Variants in NFKB1 observed in about 807,000 individuals in gnomAD.
NFKB1 encodes nuclear factor kappa B subunit 1.
In NFKB1, 9 loss-of-function variants were observed where a neutral mutation model predicts 105.1. The observed-to-expected ratio is 0.09, with a 90% CI of 0.05 to 0.15. The LOEUF (loss-of-function observed/expected upper bound fraction) is 0.15, where lower values mean the gene tolerates loss of function less well. Ranked by LOEUF, NFKB1 falls within the 10% of genes least tolerant of loss-of-function variation. The pLI is 1.00. For synonymous variants in NFKB1, 440 were observed against 442.2 expected (o/e 1.00, Z 0.06); for missense variants, 830 against 1,203.7 (o/e 0.69, Z 4.59).
At chr4:102,515,156 G>C (rs1378098847) in intron 1 of NFKB1, among the ~76,000 whole-genome samples, 3 of 127,248 alleles carry the variant, frequency 2.4e-5, no homozygotes, top group Non-Finnish European at 4.8e-5. Flanking sequence ...TGTCGCCCAG[G>C]CTGGAGTGCA....
chr4:102,515,361 C>T (rs1176799700), intron 1 of NFKB1, among the ~76,000 whole-genome samples: 1 of 151,784 alleles, frequency 6.6e-6, no homozygotes, highest in Admixed American at 6.6e-5. Context: ...CCGCCCGCCT[C>T]GGCCTCCCAA....
intron 1 of NFKB1, among the ~76,000 whole-genome samples, chr4:102,513,840 T>C (rs1739935890): frequency 6.6e-6 from 1 of 152,152 alleles, no homozygotes; most frequent in African/African-American, 2.4e-5. Context: ...GCTCGGGACG[T>C]GGTCTATCTT....
intron 6 of NFKB1, among the ~76,000 whole-genome samples, chr4:102,569,772 A>C (rs1724172899): frequency 6.6e-6 from 1 of 152,108 alleles, no homozygotes; most frequent in Non-Finnish European, 1.5e-5. Context: ...TTCTACTTTC[A>C]AAAGGATTTT....
chr4:102,591,808 T>C (rs1001643477), intron 11 of NFKB1, among the ~76,000 whole-genome samples: 5 of 152,240 alleles, frequency 3.3e-5, no homozygotes, highest in Non-Finnish European at 7.3e-5. Flanking sequence ...TTCAGTCTTA[T>C]TGTTTAAGAA....
intron 1 of NFKB1, among the ~76,000 whole-genome samples, chr4:102,520,086 C>T (rs1740466744): frequency 6.6e-6 from 1 of 152,160 alleles, no homozygotes; most frequent in South Asian, 2.1e-4. Flanking sequence ...CCTCTATACA[C>T]TAGATGCCAG....
intron 11 of NFKB1, among the ~76,000 whole-genome samples, chr4:102,591,865 T>C (rs546047351): frequency 2.1e-4 from 32 of 152,378 alleles, no homozygotes; most frequent in Admixed American, 9.1e-4. Flanking sequence ...ATTACTCTGA[T>C]GAATCTGGGC....
At chr4:102,605,784 C>T (rs1239282370) in intron 16 of NFKB1, among the ~76,000 whole-genome samples, 1 of 152,094 alleles carries the variant, frequency 6.6e-6, no homozygotes, top group African/African-American at 2.4e-5. Context: ...CTTATAATAC[C>T]TTTTATGAAA....
chr4:102,595,312 A>G (rs1247207417), intron 13 of NFKB1, among the ~76,000 whole-genome samples: 4 of 152,180 alleles, frequency 2.6e-5, no homozygotes, highest in African/African-American at 9.6e-5. Context: ...TTTCTCAAAT[A>G]GTACACTTCT....
At chr4:102,591,825 T>C (rs1034866617) in intron 11 of NFKB1, among the ~76,000 whole-genome samples, 1 of 152,222 alleles carries the variant, frequency 6.6e-6, no homozygotes, top group African/African-American at 2.4e-5. Flanking sequence ...AGAAATACAT[T>C]CTGTAAGGCT....
At position 102,614,598 on chromosome 4, in the gene NFKB1, C is replaced by T. The variant is rs1728761890; in HGVS notation, c.2749+1017C>T. 2.6e-5 allele frequency among the ~76,000 whole-genome samples: 4 copies of T among 152,254 alleles called. No individual in the cohort carries two copies. In the South Asian group the frequency reaches 8.3e-4, roughly 32 times the overall value. ...GCTTGGCCTCCTGCAGTTGGGATCG[C>T]ATCCCCACCGCTCCACCAGGCCTGC... On this transcript the variant is annotated intron_variant, in intron 23 of 23. Transcript: ENST00000226574.
intron 19 of NFKB1, among the ~76,000 whole-genome samples, chr4:102,608,503 T>C (rs988010631): frequency 6.6e-6 from 1 of 152,232 alleles, no homozygotes; most frequent in Non-Finnish European, 1.5e-5. Context: ...GGTTTGCAGA[T>C]GTTATTCCAT....
At position 102,610,659 on chromosome 4, in the gene NFKB1, T is replaced by C. The variant is rs1728316982; in HGVS notation, c.2312T>C (p.Val771Ala). Reference sequence around the variant, plus strand: ...AATGCAGGAGAGGATGAAGGAGTTGTGCCTGGAACCACGCCTCTAGATATG... The same window carrying C: ...AATGCAGGAGAGGATGAAGGAGTTGCGCCTGGAACCACGCCTCTAGATATG... ...WENAGEDEGV[V>A]PGTTPLDMAT... Residue 771 changes from valine (V) to alanine (A), a missense_variant, in exon 20 of 24, where the codon GTG becomes GCG. Around this residue, in one of 8 missense-constraint regions of NFKB1, gnomAD observed 418 missense variants for 575.3 expected, o/e 0.73. Transcript: ENST00000226574. 6.2e-7 allele frequency: 1 copy of C among 1,613,974 alleles called. No homozygotes were observed. The highest frequency in any genetic ancestry group is 1.3e-5 in the African/African-American group (1 of 74,912).
At chr4:102,586,196 G>C (rs1460876305) in intron 11 of NFKB1, among the ~76,000 whole-genome samples, 4 of 152,166 alleles carry the variant, frequency 2.6e-5, no homozygotes, top group Admixed American at 2.0e-4. Context: ...ACTTAAGAGA[G>C]AGTGCAGTGA....
chr4:102,555,323 A>T (rs537327513), intron 5 of NFKB1, among the ~76,000 whole-genome samples: 1 of 152,250 alleles, frequency 6.6e-6, no homozygotes, highest in East Asian at 1.9e-4. Flanking sequence ...TTTATTCACT[A>T]GCTCTTTTAA....
chr4:102,581,604 T>C (rs1181102000), intron 9 of NFKB1, among the ~76,000 whole-genome samples: 1 of 152,056 alleles, frequency 6.6e-6, no homozygotes, highest in African/African-American at 2.4e-5. Context: ...TAGTGAGCTA[T>C]TATCATGCTG....
chr4:102,610,541 G>C, intron 19 of NFKB1, 34 bp from the exon 20 acceptor site: 1 of 1,609,162 alleles, frequency 6.2e-7, no homozygotes, highest in Non-Finnish European at 8.5e-7. Context: ...ACAAGATCTG[G>C]GTTTACCTAA....
intron 14 of NFKB1, among the ~76,000 whole-genome samples, chr4:102,597,029 C>A (rs1726674674): frequency 6.6e-6 from 1 of 152,040 alleles, no homozygotes. Flanking sequence ...AATGCCATTC[C>A]CTGACCTTAA....
At chr4:102,611,499 C>G (rs1039399115) in intron 20 of NFKB1, among the ~76,000 whole-genome samples, 2 of 152,242 alleles carry the variant, frequency 1.3e-5, no homozygotes, top group Non-Finnish European at 2.9e-5. Context: ...ACAAATGCCT[C>G]GGCAGCTACA....
Position 102,561,265 on chromosome 4 carries a change from C to CT in NFKB1, c.259-5705dup, listed in dbSNP as rs551312422. 4.7e-3 allele frequency among the ~76,000 whole-genome samples: 655 copies of CT among 138,280 alleles called. 7 individuals are homozygous for CT. The highest frequency in any genetic ancestry group is 5.3e-3 in the Admixed American group (73 of 13,758). The allele number at this position is 138,280 out of a possible 152,430, so 90.7% of individuals were successfully genotyped here. A position where few individuals can be genotyped will look rare whatever the true frequency, so the allele number is the denominator to read the frequency against. ...TAGCGTTATTCTCTTTCTTTCTTTC[C>CT]TTTTTTTTTTTTTTTTTGTGTGTGT... is the stretch of plus-strand genomic sequence containing the variant. On this transcript the variant is annotated intron_variant, in intron 5 of 23. Coordinates refer to ENST00000226574, the MANE Select transcript of NFKB1 (RefSeq NM_003998.4).
Sources: allele counts gnomAD v4.1 joint callset (sites outside exome capture counted in the v4.1 genomes callset), GRCh38; gene constraint gnomAD v4.1.1; regional missense constraint gnomAD v4.1.1; transcripts MANE v1.5; gene names NCBI Gene and HGNC (gene_info 2026-07-23, HGNC 2026-07-21).